NXPH1: variants seen among roughly 807,000 people sequenced by gnomAD.
The protein encoded by NXPH1 is neurexophilin 1, also known as neurexophilin-1.
Under a neutral mutation model 23.7 loss-of-function variants are expected in NXPH1, and 5 were observed. That is an observed-to-expected ratio of 0.21 (90% confidence interval 0.11 to 0.44). NXPH1 has a LOEUF of 0.44. NXPH1 is among the 20% of genes least tolerant of loss of function. NXPH1 has a pLI of 0.99. For missense variants in NXPH1, 324 were observed against 321.6 expected, an observed-to-expected ratio of 1.01 and a Z score of -0.06; for synonymous variants, 144 against 122.2, an observed-to-expected ratio of 1.18 and a Z score of -1.18.
chr7:8,537,907 T>C (rs1357909376), intron 2 of NXPH1, among the ~76,000 whole-genome samples: 7 of 151,836 alleles, frequency 4.6e-5, no homozygotes, highest in African/African-American at 1.7e-4. Context: ...AAAGAGACAA[T>C]TTAGAGATAA....
intron 2 of NXPH1, among the ~76,000 whole-genome samples, chr7:8,673,274 G>A (rs112937545): frequency 6.6e-6 from 1 of 152,002 alleles, no homozygotes; most frequent in African/African-American, 2.4e-5. Context: ...ATAAAAGCAG[G>A]CATTATTAAC....
chr7:8,510,972 C>T (rs1817602058), intron 2 of NXPH1, among the ~76,000 whole-genome samples: 1 of 152,016 alleles, frequency 6.6e-6, no homozygotes, highest in Admixed American at 6.6e-5. Flanking sequence ...TATGCTGCTA[C>T]TAGTCTGATC....
chr7:8,516,540 A>G (rs946407956), intron 2 of NXPH1, among the ~76,000 whole-genome samples: 1 of 152,140 alleles, frequency 6.6e-6, no homozygotes, highest in African/African-American at 2.4e-5. Flanking sequence ...GCTCAAGGAT[A>G]TCTTGATCCT....
intron 2 of NXPH1, among the ~76,000 whole-genome samples, chr7:8,737,341 C>G (rs929316532): frequency 6.6e-6 from 1 of 152,150 alleles, no homozygotes; most frequent in Non-Finnish European, 1.5e-5. Context: ...GACAAGATAT[C>G]TCAGCATTTG....
At chr7:8,495,795 G>A (rs1026998093) in intron 2 of NXPH1, among the ~76,000 whole-genome samples, 5 of 151,966 alleles carry the variant, frequency 3.3e-5, no homozygotes, top group African/African-American at 9.7e-5. Context: ...AGAGGACTGG[G>A]GCTTACACAG....
chr7:8,463,852 C>A (rs982466461), intron 2 of NXPH1, among the ~76,000 whole-genome samples: 1 of 152,122 alleles, frequency 6.6e-6, no homozygotes, highest in Non-Finnish European at 1.5e-5. Flanking sequence ...CAGTGTCTGG[C>A]AGAAAATAGG....
At chr7:8,595,648 T>A (rs1169186198) in intron 2 of NXPH1, among the ~76,000 whole-genome samples, 1 of 152,104 alleles carries the variant, frequency 6.6e-6, no homozygotes, top group Non-Finnish European at 1.5e-5. Flanking sequence ...TTTGTGAAAG[T>A]GTATCTGACT....
chr7:8,641,097 ATATT>A (rs1446796653), intron 2 of NXPH1, among the ~76,000 whole-genome samples: 1 of 152,148 alleles, frequency 6.6e-6, no homozygotes, highest in Non-Finnish European at 1.5e-5. Flanking sequence ...GTCTTTAAAA[ATATT>A]TATTTAGTTA....
At chr7:8,735,434 T>A (rs1452623992) in intron 2 of NXPH1, among the ~76,000 whole-genome samples, 1 of 152,214 alleles carries the variant, frequency 6.6e-6, no homozygotes, top group Non-Finnish European at 1.5e-5. Flanking sequence ...TGTACTGTAT[T>A]ATGTTTACTG....
At chr7:8,726,696 T>C (rs1056366477) in intron 2 of NXPH1, among the ~76,000 whole-genome samples, 5 of 149,430 alleles carry the variant, frequency 3.3e-5, no homozygotes, top group South Asian at 2.2e-4. Context: ...TAGTATTCCA[T>C]GGTGTATATG....
intron 2 of NXPH1, among the ~76,000 whole-genome samples, chr7:8,647,748 T>A (rs914979502): frequency 2.0e-5 from 3 of 151,834 alleles, no homozygotes; most frequent in Non-Finnish European, 2.9e-5. Flanking sequence ...TGAAGGTTTT[T>A]AATCACTGAT....
rs367679294 is a variant in NXPH1 at position 8,679,250 on chromosome 7, T to A, written c.55-71758T>A. On this transcript the variant is annotated intron_variant, in intron 2 of 2. Coordinates refer to ENST00000405863, the MANE Select transcript of NXPH1 (RefSeq NM_152745.3). ...GTGTGAGCCACCGCGCCCAGCCTGC[T>A]TTATCCAATTCTTATTGGCCCCTAA... is the stretch of plus-strand genomic sequence containing the variant. Among the ~76,000 whole-genome samples, 5 of 152,096 alleles carry A rather than the reference T, an allele frequency of 3.3e-5. No homozygotes were observed. The East Asian group carries it at 9.7e-4, about 30-fold the overall frequency.
chr7:8,681,043 G>A lies in NXPH1; in HGVS notation c.55-69965G>A, dbSNP rs1480853259. Among the ~76,000 whole-genome samples, 5 of 152,340 alleles carry A rather than the reference G, an allele frequency of 3.3e-5. No homozygotes were observed. In the East Asian group the frequency reaches 9.6e-4, roughly 29 times the overall value. On this transcript the variant is annotated intron_variant, in intron 2 of 2. Transcript: ENST00000405863. ...AGTTGCTCAAACACACAACTGGCTA[G>A]TAACAGAGCCAGCGCTAATGTCCGG...
chr7:8,600,782 C>A (rs1355542067), intron 2 of NXPH1, among the ~76,000 whole-genome samples: 1 of 152,084 alleles, frequency 6.6e-6, no homozygotes, highest in African/African-American at 2.4e-5. Flanking sequence ...TTAGGGGACT[C>A]CATACAAATG....
chr7:8,474,923 G>A (rs1040180886), intron 2 of NXPH1, among the ~76,000 whole-genome samples: 3 of 152,030 alleles, frequency 2.0e-5, no homozygotes, highest in Non-Finnish European at 4.4e-5. Context: ...CTTCTCCCAG[G>A]GTGAGCAGAA....
chr7:8,552,112 ACC>A (rs1562399814), intron 2 of NXPH1, among the ~76,000 whole-genome samples: 11 of 142,838 alleles, frequency 7.7e-5, no homozygotes, highest in East Asian at 2.0e-4. Flanking sequence ...CAGAAAAAAA[ACC>A]AAAAAAAAAA....
intron 2 of NXPH1, chr7:8,690,190 T>G (rs1821203364): frequency 6.6e-6 from 1 of 152,114 alleles, no homozygotes; most frequent in Non-Finnish European, 1.5e-5. Flanking sequence ...GCCAGAAGAG[T>G]GCAAAGGATT....
At chr7:8,640,392 T>C (rs78608362) in intron 2 of NXPH1, among the ~76,000 whole-genome samples, 3,651 of 151,640 alleles carry the variant, frequency 0.024, 232 homozygotes, top group East Asian at 0.17. Context: ...GAGTACTCCA[T>C]TTTTTTCACC....
chr7:8,572,284 T>C (rs1054608756), intron 2 of NXPH1, among the ~76,000 whole-genome samples: 2 of 151,936 alleles, frequency 1.3e-5, no homozygotes, highest in Non-Finnish European at 2.9e-5. Flanking sequence ...TAGCAAATAA[T>C]GTTTAAGGGC....
Sources: gnomAD v4.1 joint callset for allele counts (sites outside exome capture counted in the v4.1 genomes callset) on GRCh38, gnomAD v4.1.1 for gene constraint, MANE v1.5 for transcripts, NCBI Gene and HGNC (gene_info 2026-07-23, HGNC 2026-07-21) for gene names.